The following OGDHL variants were observed in gnomAD, a reference collection of about 807,000 sequenced individuals.
OGDHL encodes the protein 2-oxoglutarate dehydrogenase-like, mitochondrial.
Under a neutral mutation model 109.6 loss-of-function variants are expected in OGDHL, and 79 were observed. The observed-to-expected ratio is 0.72, with a 90% CI of 0.60 to 0.87. The LOEUF is 0.87. Ranked by LOEUF, OGDHL falls within the 40% of genes least tolerant of loss-of-function variation. The pLI, the probability that OGDHL is intolerant of heterozygous loss-of-function variation, is 0.00. For missense variants in OGDHL, 1,275 were observed against 1,362.2 expected (o/e 0.94, Z 1.01); for synonymous variants, 528 against 537.2 (o/e 0.98, Z 0.24).
At chr10:49,759,011 C>T (rs1445366627) in intron 1 of OGDHL, among the ~76,000 whole-genome samples, 1 of 152,174 alleles carries the variant, frequency 6.6e-6, no homozygotes, top group South Asian at 2.1e-4. Flanking sequence ...CTCAGGCCCA[C>T]CACCCTAGAA....
At position 49,750,892 on chromosome 10, in the gene OGDHL, G is replaced by A. The variant is rs776500225; in HGVS notation, c.843C>T (p.Ile281=). The A allele has an allele frequency of 4.3e-6, 7 of 1,612,424 alleles. No homozygotes were observed. Among genetic ancestry groups the A allele is most frequent in the Admixed American group, 3.3e-5 (2 of 59,842 alleles). Residue 281 remains isoleucine, a synonymous_variant, in exon 7 of 23, where the codon ATC becomes ATT. Coordinates refer to ENST00000374103, the MANE Select transcript of OGDHL (RefSeq NM_018245.3). ...CAATCCCCATCTCGCTGGATTTGTC[G>A]ATGATGGTCTTGAGGGCAGGAATCA... ...EVMIPALKTI[I]DKSSEMGIEN... is the part of the protein sequence containing the mutation.
In OGDHL at chr10:49,752,754, A is replaced by G. The variant is rs756768850; in HGVS notation, c.376-14T>C. 1.8e-5 allele frequency: 29 copies of G among 1,604,468 alleles called. No homozygotes were observed. The highest frequency in any genetic ancestry group is 2.4e-5 in the Non-Finnish European group (28 of 1,171,806). On this transcript the variant is annotated splice_polypyrimidine_tract_variant and intron_variant, in intron 3 of 22. Transcript: ENST00000374103. ...GTGACCCCGGATCTGGGAGGAGGGA[A>G]AAGAGCAGGGTGGGGCTGGGACCCA... is the stretch of plus-strand genomic sequence containing the variant.
At chr10:49,746,523 C>T (rs774653050) in intron 10 of OGDHL, among the ~76,000 whole-genome samples, 9 of 152,222 alleles carry the variant, frequency 5.9e-5, no homozygotes, top group African/African-American at 1.9e-4. Flanking sequence ...ATGAGGCACT[C>T]GCTACACAGG....
At chr10:49,760,432 G>A (rs1001370023) in intron 1 of OGDHL, among the ~76,000 whole-genome samples, 1 of 152,208 alleles carries the variant, frequency 6.6e-6, no homozygotes, top group Non-Finnish European at 1.5e-5. Context: ...CTATCCTAGA[G>A]GCCTGGGCAA....
chr10:49,754,017 T>C (rs1041440530), intron 3 of OGDHL, among the ~76,000 whole-genome samples: 1 of 152,156 alleles, frequency 6.6e-6, no homozygotes, highest in African/African-American at 2.4e-5. Context: ...AAAGGCAATG[T>C]TGCCATAAGA....
chr10:49,738,312 C>T lies in OGDHL; in HGVS notation c.2320-50G>A, dbSNP rs370980357. ...AGGCTGGACCCCACCATGGGAAAGACATCTGGCCCTGCAGGGACCCCAGGC... is the reference window on the plus strand; with the variant it reads ...AGGCTGGACCCCACCATGGGAAAGATATCTGGCCCTGCAGGGACCCCAGGC... On this transcript the variant is annotated intron_variant, in intron 17 of 22. Transcript: ENST00000374103. 12 of 1,602,460 alleles carry T rather than the reference C, an allele frequency of 7.5e-6. No individual in the cohort carries two copies. The African/African-American group carries it at 1.2e-4, about 16-fold the overall frequency.
chr10:49,757,256 A>C lies in OGDHL; in HGVS notation c.205-310T>G, dbSNP rs149654553. On this transcript the variant is annotated intron_variant, in intron 2 of 22. Coordinates refer to ENST00000374103, the MANE Select transcript of OGDHL (RefSeq NM_018245.3). Reference sequence around the variant, plus strand: ...GTATTGTGGACATGGAATATTGCCAAGATACGTTTTAAAGTGAATGAAGCA... The same window carrying C: ...GTATTGTGGACATGGAATATTGCCACGATACGTTTTAAAGTGAATGAAGCA... 6.9e-4 allele frequency among the ~76,000 whole-genome samples: 105 copies of C among 152,382 alleles called. No homozygotes were observed. The East Asian group carries it at 0.018, about 26-fold the overall frequency.
rs1842066304 is a variant in OGDHL, at chr10:49,744,956, G to A, written c.1630-204C>T. 2.0e-5 allele frequency among the ~76,000 whole-genome samples: 3 copies of A among 152,200 alleles called. No individual in the cohort carries two copies. The South Asian group carries it at 6.2e-4, about 31-fold the overall frequency. Reference sequence around the variant, plus strand: ...AGGTACCCCGAGGCTGGGCAGGCCTGCAGTGCGCTCAGCAAGGGGCTTGGA... The same window carrying A: ...AGGTACCCCGAGGCTGGGCAGGCCTACAGTGCGCTCAGCAAGGGGCTTGGA... On this transcript the variant is annotated intron_variant, in intron 12 of 22. Coordinates refer to ENST00000374103, the MANE Select transcript of OGDHL (RefSeq NM_018245.3).
chr10:49,750,546 A>G (rs1261603964), intron 7 of OGDHL, among the ~76,000 whole-genome samples: 3 of 152,196 alleles, frequency 2.0e-5, no homozygotes, highest in African/African-American at 7.2e-5. Context: ...AACCTCAAGA[A>G]GTATAGTGTA....
chr10:49,739,773 T>C lies in OGDHL; in HGVS notation c.2207A>G (p.Asp736Gly), dbSNP rs1841504102. 12 of 1,614,020 alleles carry C rather than the reference T, an allele frequency of 7.4e-6. No homozygotes were observed. The highest frequency in any genetic ancestry group is 1.0e-5 in the Non-Finnish European group (12 of 1,179,954). The change falls in exon 17 of 23, where the codon GAC becomes GGC. Residue 736 changes from aspartate to glycine, a missense_variant. Physicochemically the swap from Asp to Gly is moderately conservative, Grantham distance 94. Transcript: ENST00000374103. ...ALVLWEAQFG[D>G]FHNTAQCIID... Reference sequence around the variant, plus strand: ...GATGCACTGGGCCGTGTTGTGGAAGTCCCCAAACTGGGCCTCCCAGAGGAC... The same window carrying C: ...GATGCACTGGGCCGTGTTGTGGAAGCCCCCAAACTGGGCCTCCCAGAGGAC...
chr10:49,747,115 G>A lies in OGDHL; in HGVS notation c.1081C>T (p.Pro361Ser). ...GGGTCCACTGCCTCCAGGTGGGAGG[G>A]GTTGGCAACCAGCGACAGAGTGATG... ...RNITLSLVAN[P>S]SHLEAVDPVV... The change falls in exon 9 of 23, where the codon CCC (proline) becomes TCC (serine). Residue 361 changes from proline (P) to serine (S), a missense_variant. Coordinates refer to ENST00000374103, the MANE Select transcript of OGDHL (RefSeq NM_018245.3). The A allele has an allele frequency of 6.2e-7, 1 of 1,614,182 alleles. No homozygotes were observed. Among genetic ancestry groups the A allele is most frequent in the Non-Finnish European group, 8.5e-7 (1 of 1,180,008 alleles).
chr10:49,761,585 C>A (rs1843283850), intron 1 of OGDHL, among the ~76,000 whole-genome samples: 1 of 152,224 alleles, frequency 6.6e-6, no homozygotes, highest in Admixed American at 6.5e-5. Context: ...TGGGGAGGGG[C>A]TGCTAGGGCC....
chr10:49,752,207 G>A lies in OGDHL; in HGVS notation c.520C>T (p.Gln174Ter), dbSNP rs1842652316. The change falls in exon 5 of 23, where the codon CAG (glutamine) becomes TAG (stop). Residue 174 changes from glutamine to a stop codon, truncating the protein, a stop_gained. Coordinates refer to ENST00000374103, the MANE Select transcript of OGDHL (RefSeq NM_018245.3). LOFTEE classifies it high-confidence loss of function. The stretch of plus-strand genomic sequence containing the variant: ...CCAATGAAGGTGGTTGTCGGCAGCT[G>A]GAACTCCTTATCAAGGTCAGCCTCC... ...LQEADLDKEF[Q>*]LPTTTFIGGS... 1.9e-6 allele frequency: 3 copies of A among 1,613,994 alleles called. No individual in the cohort carries two copies. Among genetic ancestry groups the A allele is most frequent in the African/African-American group, 2.7e-5 (2 of 74,928 alleles).
chr10:49,740,793 G>A lies in OGDHL; in HGVS notation c.2057C>T (p.Thr686Met), dbSNP rs931525469. ...VLHDQEVDRR[T>M]CVPMNHLWPD... ...CCAGAGATGATTCATAGGCACACAC[G>A]TCCTGCGGTCAACCTCCTGGTCATG... is the stretch of plus-strand genomic sequence containing the variant. The change falls in exon 16 of 23, where the codon ACG becomes ATG. Residue 686 changes from threonine to methionine, a missense_variant. Physicochemically the swap from Thr to Met is moderately conservative, Grantham distance 81. Transcript: ENST00000374103. The A allele has an allele frequency of 1.2e-5, 19 of 1,613,814 alleles. No individual in the cohort carries two copies. Among genetic ancestry groups the A allele is most frequent in the Admixed American group, 6.7e-5 (4 of 59,996 alleles).
intron 14 of OGDHL, 146 bp from the exon 15 acceptor site, chr10:49,743,124 G>A: frequency 6.6e-6 from 7 of 1,055,248 alleles, no homozygotes; most frequent in Non-Finnish European, 9.4e-6. Context: ...AGGGCCCAGG[G>A]CCAGGCACCC....
intron 14 of OGDHL, 139 bp from the exon 15 acceptor site, chr10:49,743,117 GC>G: frequency 1.7e-6 from 2 of 1,146,340 alleles, no homozygotes; most frequent in Non-Finnish European, 2.4e-6. Context: ...CTGCAGGAGG[GC>G]CCAGGGCCAG....
chr10:49,739,926 TC>T, intron 16 of OGDHL, 87 bp from the exon 17 acceptor site: 1 of 1,347,868 alleles, frequency 7.4e-7, no homozygotes, highest in Non-Finnish European at 1.0e-6. Context: ...CAGTATATCC[TC>T]CATGCCCCCA....
chr10:49,744,011 TC>T lies in OGDHL; in HGVS notation c.1843del (p.Asp615ThrfsTer18). 1 of 1,613,058 alleles carries T rather than the reference TC, an allele frequency of 6.2e-7. No individual in the cohort carries two copies. The highest frequency in any genetic ancestry group is 8.5e-7 in the Non-Finnish European group (1 of 1,179,496). On this transcript the variant is annotated frameshift_variant, in exon 14 of 23. Coordinates refer to ENST00000374103, the MANE Select transcript of OGDHL (RefSeq NM_018245.3). LOFTEE classifies it high-confidence loss of function. ...GSVASSVPLE[D>X]FKIHTGLSRI... ...AACCTCACCAGTGTGGATCTTAAAG[TC>T]CTCCAGGGGCACAGAGCTGGCCACA...
rs146406361 is a variant in OGDHL at position 49,746,761 on chromosome 10, C to T, written c.1285G>A (p.Val429Ile). 26 of 1,613,898 alleles carry T rather than the reference C, an allele frequency of 1.6e-5. No homozygotes were observed. Among genetic ancestry groups the T allele is most frequent in the Non-Finnish European group, 2.2e-5 (26 of 1,179,952 alleles). ...GCCTACATGCTCACCTGGTTGTTGA[C>T]GACGACGTGCACGGTACCATTGGTC... The part of the protein sequence containing the change: ...YTTNGTVHVV[V>I]NNQIGFTTDP... Residue 429 changes from valine to isoleucine, a missense_variant, in exon 10 of 23, where the codon GTC becomes ATC. Coordinates refer to ENST00000374103, the MANE Select transcript of OGDHL (RefSeq NM_018245.3).
Sources: gnomAD v4.1 joint callset for allele counts (sites outside exome capture counted in the v4.1 genomes callset) on GRCh38, gnomAD v4.1.1 for gene constraint, MANE v1.5 for transcripts, NCBI Gene and HGNC (gene_info 2026-07-23, HGNC 2026-07-21) for gene names.